The following TFCP2L1 variants were observed in gnomAD, a reference collection of about 807,000 sequenced individuals.
The protein encoded by TFCP2L1 is transcription factor CP2 like 1.
TFCP2L1 carries 12 observed loss-of-function variants against 72.2 expected under a neutral mutation model. The observed-to-expected ratio is 0.17, with a 90% CI of 0.11 to 0.27. The LOEUF (loss-of-function observed/expected upper bound fraction) is 0.27, where lower values mean the gene tolerates loss of function less well. TFCP2L1 is among the 10% of genes least tolerant of loss of function. The probability of loss-of-function intolerance (pLI) is 1.00; values close to 1 mark genes in which losing one functional copy is unlikely to be tolerated. For synonymous variants in TFCP2L1, 260 were observed against 251.0 expected (o/e 1.04, Z -0.34); for missense variants, 488 against 624.6 (o/e 0.78, Z 2.33).
rs1231404752 is a variant in TFCP2L1, at chr2:121,217,212, G to A, written c.*7129C>T. 4.6e-5 allele frequency: 7 copies of A among 152,288 alleles called. No individual in the cohort carries two copies. The highest frequency in any genetic ancestry group is 3.9e-4 in the Admixed American group (6 of 15,278). The allele number at this position is 152,288 out of a possible 1,614,324, so 9.4% of individuals were successfully genotyped here. On this transcript the variant is annotated 3_prime_UTR_variant, in exon 15 of 15. Transcript: ENST00000263707. ...AGTTGACTTCCTGAAAACTGGGCTAGTGGGGGCCTCCCCATTGCTTTAGGG... is the reference window on the plus strand; with the variant it reads ...AGTTGACTTCCTGAAAACTGGGCTAATGGGGGCCTCCCCATTGCTTTAGGG...
chr2:121,227,748 C>CAT (rs1218538470), intron 13 of TFCP2L1, among the ~76,000 whole-genome samples: 2 of 151,766 alleles, frequency 1.3e-5, no homozygotes, highest in Non-Finnish European at 2.9e-5. Context: ...CACACACACA[C>CAT]ACACTAGCTA....
At chr2:121,266,269 C>T (rs1686928615) in intron 2 of TFCP2L1, among the ~76,000 whole-genome samples, 1 of 151,838 alleles carries the variant, frequency 6.6e-6, no homozygotes, top group Non-Finnish European at 1.5e-5. Context: ...CATCTCTGAC[C>T]TTCCTTCCTT....
chr2:121,269,067 G>A (rs981174138), intron 2 of TFCP2L1, among the ~76,000 whole-genome samples: 20 of 151,270 alleles, frequency 1.3e-4, no homozygotes, highest in Non-Finnish European at 2.9e-5. Context: ...AAATCTTAAA[G>A]TGAAGAAGGC....
chr2:121,276,146 C>T (rs970940373), intron 2 of TFCP2L1, among the ~76,000 whole-genome samples: 2 of 152,092 alleles, frequency 1.3e-5, no homozygotes, highest in Non-Finnish European at 2.9e-5. Flanking sequence ...ATACATGTGC[C>T]ATGGTGGTTT....
At chr2:121,276,338 A>C (rs150019115) in intron 2 of TFCP2L1, among the ~76,000 whole-genome samples, 1 of 39,568 alleles carries the variant, frequency 2.5e-5, no homozygotes, top group Non-Finnish European at 7.0e-5. Context: ...TTCCTGTGTT[A>C]GTTTGCTGAG....
chr2:121,234,298 G>A, intron 11 of TFCP2L1, 104 bp from the exon 12 acceptor site: 2 of 1,072,984 alleles, frequency 1.9e-6, no homozygotes, highest in South Asian at 2.9e-5. Flanking sequence ...CAGGGAGGAA[G>A]AAAGACAGCG....
chr2:121,244,809 C>T (rs762884880), intron 6 of TFCP2L1, among the ~76,000 whole-genome samples: 1 of 152,162 alleles, frequency 6.6e-6, no homozygotes. Context: ...AGCAGAGACG[C>T]GGTCTGTACA....
chr2:121,246,994 G>C (rs765988779), intron 5 of TFCP2L1, 24 bp from the exon 6 acceptor site: 10 of 1,613,530 alleles, frequency 6.2e-6, no homozygotes, highest in Middle Eastern at 1.6e-4. Flanking sequence ...CGTTGGGCAG[G>C]TGGCAAGGAG....
At chr2:121,254,513 G>A (rs1486391553) in intron 2 of TFCP2L1, among the ~76,000 whole-genome samples, 1 of 152,162 alleles carries the variant, frequency 6.6e-6, no homozygotes. Flanking sequence ...AGCCAGGTGT[G>A]GTGGCTTACA....
intron 1 of TFCP2L1, among the ~76,000 whole-genome samples, chr2:121,281,568 T>C (rs1687262790): frequency 6.6e-6 from 1 of 152,154 alleles, no homozygotes; most frequent in Non-Finnish European, 1.5e-5. Flanking sequence ...ATCCTCTCCA[T>C]GCCAGAGACA....
intron 2 of TFCP2L1, among the ~76,000 whole-genome samples, chr2:121,268,972 T>C (rs1469957056): frequency 1.3e-5 from 2 of 151,708 alleles, no homozygotes; most frequent in Admixed American, 6.6e-5. Context: ...CCCTAATGTA[T>C]TCCTTATGCA....
At chr2:121,242,550 A>G in intron 6 of TFCP2L1, 81 bp from the exon 7 acceptor site, 1 of 1,373,094 alleles carries the variant, frequency 7.3e-7, no homozygotes, top group South Asian at 1.2e-5. Context: ...TTCCCACCTC[A>G]CCCAGGGCCC....
intron 6 of TFCP2L1, 102 bp downstream of exon 6, chr2:121,246,716 C>T: frequency 6.8e-7 from 1 of 1,478,508 alleles, no homozygotes; most frequent in Admixed American, 1.8e-5. Flanking sequence ...TGCTGCGTTC[C>T]TCGCTGGGCC....
intron 6 of TFCP2L1, among the ~76,000 whole-genome samples, chr2:121,243,964 C>T (rs916433800): frequency 3.3e-5 from 5 of 152,154 alleles, no homozygotes; most frequent in African/African-American, 4.8e-5. Flanking sequence ...GTTGGGGCCC[C>T]GCTGCCTTGG....
At position 121,285,088 on chromosome 2, in the gene TFCP2L1, G is replaced by C; in HGVS notation, c.22C>G (p.Pro8Ala). 3 of 1,524,122 alleles carry C rather than the reference G, an allele frequency of 2.0e-6. No homozygotes were observed. The highest frequency in any genetic ancestry group is 8.8e-7 in the Non-Finnish European group (1 of 1,138,146). 94.4% of individuals were successfully genotyped at this position (1,524,122 alleles called of 1,614,324 possible). Reference sequence around the variant, plus strand: ...GAGTTGTGCTGGTTGTAGTGCTCGGGCTGCGTGTGCCAGAAGAGCATGGCT... The same window carrying C: ...GAGTTGTGCTGGTTGTAGTGCTCGGCCTGCGTGTGCCAGAAGAGCATGGCT... The part of the protein sequence containing the change: MLFWHTQ[P>A]EHYNQHNSGS... Residue 8 changes from proline (P) to alanine (A), a missense_variant, in exon 1 of 15, where the codon CCC becomes GCC. Pro to Ala is a conservative substitution (Grantham distance 27, BLOSUM62 -1). Coordinates refer to ENST00000263707, the MANE Select transcript of TFCP2L1 (RefSeq NM_014553.3).
chr2:121,220,276 G>T lies in TFCP2L1; in HGVS notation c.*4065C>A, dbSNP rs1024381948. ...GGCTGTCTGGGCAAGAGGTCACTAG[G>T]GCAACACCTGACCTTTGTTTAGGAC... On this transcript the variant is annotated 3_prime_UTR_variant, in exon 15 of 15. Transcript: ENST00000263707. The T allele has an allele frequency of 6.6e-6, 1 of 152,032 alleles. No individual in the cohort carries two copies. Among genetic ancestry groups the T allele is most frequent in the Non-Finnish European group, 1.5e-5 (1 of 68,074 alleles). The allele number at this position is 152,032 out of a possible 1,614,324, so 9.4% of individuals were successfully genotyped here.
intron 12 of TFCP2L1, 34 bp from the exon 13 acceptor site, chr2:121,232,002 G>A (rs1686153242): frequency 1.9e-6 from 3 of 1,547,666 alleles, no homozygotes. Flanking sequence ...TGCTTTCCAA[G>A]TGGCCATTCT....
rs77957444 is a variant in TFCP2L1, at chr2:121,271,200, T to A, written c.214+9920A>T. Among the ~76,000 whole-genome samples, 975 of 129,698 alleles carry A rather than the reference T, an allele frequency of 7.5e-3. 2 individuals carry two copies. Among genetic ancestry groups the A allele is most frequent in the Non-Finnish European group, 0.012 (674 of 57,784 alleles). 85.1% of individuals were successfully genotyped at this position (129,698 alleles called of 152,430 possible). ...GCAAGACTCCGTCTCAAAATAAAAA[T>A]AAAAAAAAAAAAACAAAAAAGCAAG... On this transcript the variant is annotated intron_variant, in intron 2 of 14. Coordinates refer to ENST00000263707, the MANE Select transcript of TFCP2L1 (RefSeq NM_014553.3).
intron 10 of TFCP2L1, 137 bp from the exon 11 acceptor site, chr2:121,235,448 T>C (rs914905553): frequency 1.0e-5 from 8 of 798,044 alleles, no homozygotes; most frequent in Admixed American, 6.9e-5. Context: ...AGAGAGAAAA[T>C]GGCAAAATGC....
Sources: allele counts gnomAD v4.1 joint callset (sites outside exome capture counted in the v4.1 genomes callset), GRCh38; gene constraint gnomAD v4.1.1; transcripts MANE v1.5; gene names NCBI Gene and HGNC (gene_info 2026-07-23, HGNC 2026-07-21).